FAM13C: variants seen among roughly 807,000 people sequenced by gnomAD.
The protein encoded by FAM13C is family with sequence similarity 13 member C.
Under a neutral mutation model 73.2 loss-of-function variants are expected in FAM13C, and 37 were observed. That is an observed-to-expected ratio of 0.51 (90% CI 0.39 to 0.67). The LOEUF (loss-of-function observed/expected upper bound fraction) is 0.67, where lower values mean the gene tolerates loss of function less well. Ranked by LOEUF, FAM13C falls within the 30% of genes least tolerant of loss-of-function variation. The probability of loss-of-function intolerance (pLI) is 0.00; values close to 1 mark genes in which losing one functional copy is unlikely to be tolerated. For synonymous variants in FAM13C, 246 were observed against 260.9 expected (o/e 0.94, Z 0.55); for missense variants, 589 against 715.6 (o/e 0.82, Z 2.02).
At chr10:59,298,987 G>A (rs1014012097) in intron 5 of FAM13C, among the ~76,000 whole-genome samples, 1 of 152,274 alleles carries the variant, frequency 6.6e-6, no homozygotes, top group South Asian at 2.1e-4. Flanking sequence ...AGGGAAAGGG[G>A]AGACATTAGT....
chr10:59,307,276 G>C (rs1564557739), intron 4 of FAM13C, among the ~76,000 whole-genome samples: 1 of 152,102 alleles, frequency 6.6e-6, no homozygotes, highest in East Asian at 1.9e-4. Context: ...CCACAGATAA[G>C]GTCATGTGGG....
At chr10:59,267,407 A>G (rs1244454329) in intron 8 of FAM13C, among the ~76,000 whole-genome samples, 3 of 152,208 alleles carry the variant, frequency 2.0e-5, no homozygotes, top group African/African-American at 7.2e-5. Context: ...TGTCAGTTTC[A>G]TTATCTGTAA....
intron 4 of FAM13C, among the ~76,000 whole-genome samples, chr10:59,303,328 T>C (rs1199301319): frequency 6.6e-6 from 1 of 152,230 alleles, no homozygotes; most frequent in African/African-American, 2.4e-5. Flanking sequence ...TACAGTCCTG[T>C]ACATTTTCTT....
At chr10:59,335,526 C>A (rs573418200) in intron 3 of FAM13C, among the ~76,000 whole-genome samples, 1 of 152,164 alleles carries the variant, frequency 6.6e-6, no homozygotes, top group African/African-American at 2.4e-5. Flanking sequence ...CCCCTACCAG[C>A]GCCACTCCTC....
At chr10:59,358,350 C>G (rs749268305) in intron 1 of FAM13C, among the ~76,000 whole-genome samples, 21 of 152,164 alleles carry the variant, frequency 1.4e-4, no homozygotes, top group Non-Finnish European at 1.2e-4. Flanking sequence ...TGCACTCTAG[C>G]CTGGGCAACA....
chr10:59,352,764 T>C (rs527396705), intron 2 of FAM13C, among the ~76,000 whole-genome samples: 2 of 152,226 alleles, frequency 1.3e-5, no homozygotes, highest in African/African-American at 4.8e-5. Flanking sequence ...TTAAGAAACT[T>C]TCACATATAT....
intron 3 of FAM13C, among the ~76,000 whole-genome samples, chr10:59,340,817 A>C (rs912275534): frequency 6.6e-6 from 1 of 151,632 alleles, no homozygotes; most frequent in East Asian, 2.0e-4. Context: ...GGTTTTTGCC[A>C]TTACTTGGCA....
chr10:59,327,102 G>A (rs565700994), intron 3 of FAM13C, among the ~76,000 whole-genome samples: 35 of 152,080 alleles, frequency 2.3e-4, no homozygotes, highest in African/African-American at 6.3e-4. Flanking sequence ...ATTAAGGAAC[G>A]ACAGAGCATG....
At chr10:59,362,702 G>C, upstream of FAM13C, 1 of 822,386 alleles carries the variant, frequency 1.2e-6, no homozygotes, top group Non-Finnish European at 1.8e-6. Flanking sequence ...CGGCGGCGGG[G>C]CTGGGACCCC....
chr10:59,361,481 G>A (rs1237807262), intron 1 of FAM13C, among the ~76,000 whole-genome samples: 1 of 152,108 alleles, frequency 6.6e-6, no homozygotes. Context: ...TTTAAATGTA[G>A]TTGAGGATAC....
chr10:59,341,453 C>T (rs576907427), intron 3 of FAM13C, among the ~76,000 whole-genome samples: 8 of 152,194 alleles, frequency 5.3e-5, no homozygotes, highest in African/African-American at 1.4e-4. Context: ...TTTGAGAGGC[C>T]GAGGCGGGCG....
intron 2 of FAM13C, among the ~76,000 whole-genome samples, chr10:59,353,822 A>C (rs1855377344): frequency 6.6e-6 from 1 of 152,246 alleles, no homozygotes. Flanking sequence ...GTAAAGGAGA[A>C]TCCAACAATT....
chr10:59,271,949 G>A (rs560220426), intron 6 of FAM13C, among the ~76,000 whole-genome samples: 1 of 152,214 alleles, frequency 6.6e-6, no homozygotes, highest in Admixed American at 6.5e-5. Flanking sequence ...AACTAACAAG[G>A]TCTCTTACTG....
rs541024425 is a variant in FAM13C, at chr10:59,354,735, C to T, written c.119+1152G>A. 2.9e-3 allele frequency among the ~76,000 whole-genome samples: 436 copies of T among 152,154 alleles called. 3 individuals are homozygous for T. Among genetic ancestry groups the T allele is most frequent in the Non-Finnish European group, 4.3e-3 (293 of 67,984 alleles). ...AGAGAGAGAGAGTTCTTTTTGGTTTCTCTGATGCCTCCAAGATAATTCTGA... is the reference window on the plus strand; with the variant it reads ...AGAGAGAGAGAGTTCTTTTTGGTTTTTCTGATGCCTCCAAGATAATTCTGA... On this transcript the variant is annotated intron_variant, in intron 2 of 13. Coordinates refer to ENST00000618804, the MANE Select transcript of FAM13C (RefSeq NM_198215.4).
intron 4 of FAM13C, among the ~76,000 whole-genome samples, chr10:59,303,235 T>C (rs1036128417): frequency 2.6e-5 from 4 of 152,214 alleles, no homozygotes; most frequent in Non-Finnish European, 4.4e-5. Flanking sequence ...TCACCATGTA[T>C]GCATCGGCTC....
intron 4 of FAM13C, among the ~76,000 whole-genome samples, chr10:59,314,922 G>T (rs1206254441): frequency 6.6e-6 from 1 of 152,140 alleles, no homozygotes; most frequent in Admixed American, 6.6e-5. Flanking sequence ...GTAGTATTTG[G>T]TTTCTGATCC....
chr10:59,262,276 G>A (rs1842579777), intron 10 of FAM13C, among the ~76,000 whole-genome samples, 158 bp downstream of exon 10: 1 of 152,108 alleles, frequency 6.6e-6, no homozygotes, highest in East Asian at 1.9e-4. Flanking sequence ...TGGCACTACT[G>A]CTCGTGGCCA....
intron 4 of FAM13C, among the ~76,000 whole-genome samples, chr10:59,314,103 G>A (rs1452852426): frequency 4.6e-5 from 7 of 152,126 alleles, no homozygotes. Context: ...AGGAGAAGGT[G>A]CATGAAAAGC....
intron 3 of FAM13C, among the ~76,000 whole-genome samples, chr10:59,347,850 A>C (rs561154842): frequency 3.9e-5 from 6 of 152,318 alleles, no homozygotes; most frequent in Non-Finnish European, 7.3e-5. Flanking sequence ...TGCAAAGGAC[A>C]TGAACTCATC....
Sources: allele counts gnomAD v4.1 joint callset (sites outside exome capture counted in the v4.1 genomes callset), GRCh38; gene constraint gnomAD v4.1.1; transcripts MANE v1.5; gene names NCBI Gene and HGNC (gene_info 2026-07-23, HGNC 2026-07-21).